Variants in CDK17 observed in about 807,000 individuals in gnomAD.
The protein encoded by CDK17 is cyclin dependent kinase 17, also known as cyclin-dependent kinase 17.
In CDK17, 24 loss-of-function variants were observed where a neutral mutation model predicts 77.6. The observed-to-expected ratio is 0.31, with a 90% CI of 0.22 to 0.44. CDK17 has a LOEUF of 0.44. CDK17 is among the 20% of genes least tolerant of loss of function. The pLI is 1.00. For synonymous variants in CDK17, 203 were observed against 210.4 expected (o/e 0.96, Z 0.30); for missense variants, 429 against 622.5 (o/e 0.69, Z 3.31).
chr12:96,285,961 T>C, intron 13 of CDK17, 82 bp downstream of exon 13: 2 of 713,186 alleles, frequency 2.8e-6, no homozygotes, highest in East Asian at 3.0e-5. Flanking sequence ...TATTTTTTCC[T>C]GAATCCTTAC....
intron 2 of CDK17, among the ~76,000 whole-genome samples, chr12:96,333,683 A>C (rs2137141300): frequency 6.6e-6 from 1 of 151,938 alleles, no homozygotes; most frequent in Non-Finnish European, 1.5e-5. Flanking sequence ...AAAAAAAAAA[A>C]AAAAGGTAGA....
At chr12:96,392,551 T>C (rs914498416) in intron 1 of CDK17, among the ~76,000 whole-genome samples, 2 of 152,144 alleles carry the variant, frequency 1.3e-5, no homozygotes, top group Non-Finnish European at 2.9e-5. Context: ...TAACAGGACT[T>C]GGTGTGACTA....
At chr12:96,377,590 A>T (rs536107182) in intron 1 of CDK17, among the ~76,000 whole-genome samples, 1 of 152,054 alleles carries the variant, frequency 6.6e-6, no homozygotes, top group Non-Finnish European at 1.5e-5. Context: ...CTGACAACAC[A>T]TTCAGTTGCT....
chr12:96,342,235 T>C (rs559468520), intron 1 of CDK17, among the ~76,000 whole-genome samples: 1 of 152,328 alleles, frequency 6.6e-6, no homozygotes, highest in South Asian at 2.1e-4. Flanking sequence ...TTAAGTGGCA[T>C]GTAAGCAAAT....
In CDK17 at chr12:96,297,567, T is replaced by C. The variant is rs1952426655; in HGVS notation, c.810+60A>G. On this transcript the variant is annotated intron_variant, in intron 8 of 16. Transcript: ENST00000261211. Reference sequence around the variant, plus strand: ...AGAAAAATAAAAAACAAACTAAAAGTCCAATTTACTATGTTTTTCTAAAGT... The same window carrying C: ...AGAAAAATAAAAAACAAACTAAAAGCCCAATTTACTATGTTTTTCTAAAGT... 2.7e-6 allele frequency: 3 copies of C among 1,116,642 alleles called. No homozygotes were observed. The East Asian group carries it at 7.3e-5, about 27-fold the overall frequency. The allele number at this position is 1,116,642 out of a possible 1,614,324, so 69.2% of individuals were successfully genotyped here. A position where few individuals can be genotyped will look rare whatever the true frequency, so the allele number is the denominator to read the frequency against.
At chr12:96,382,733 A>C (rs1047814212) in intron 1 of CDK17, among the ~76,000 whole-genome samples, 5 of 152,208 alleles carry the variant, frequency 3.3e-5, no homozygotes, top group Non-Finnish European at 7.3e-5. Context: ...GTGATTCACC[A>C]CTAAAACAGA....
At chr12:96,335,567 A>G (rs1044620933) in intron 1 of CDK17, among the ~76,000 whole-genome samples, 1 of 152,220 alleles carries the variant, frequency 6.6e-6, no homozygotes, top group Non-Finnish European at 1.5e-5. Flanking sequence ...ACATGAGGAA[A>G]CGTGCTCAAA....
intron 1 of CDK17, among the ~76,000 whole-genome samples, chr12:96,348,074 TA>T (rs1448180515): frequency 6.6e-6 from 1 of 152,050 alleles, no homozygotes; most frequent in Non-Finnish European, 1.5e-5. Context: ...TTTATAGCTA[TA>T]AAAGCTTACA....
intron 1 of CDK17, among the ~76,000 whole-genome samples, chr12:96,365,420 C>T (rs1953569081): frequency 6.6e-6 from 1 of 152,170 alleles, no homozygotes; most frequent in East Asian, 1.9e-4. Flanking sequence ...CCAAGAGTCA[C>T]TATTTAGTAA....
At chr12:96,384,235 T>TA (rs1486724988) in intron 1 of CDK17, among the ~76,000 whole-genome samples, 1 of 152,114 alleles carries the variant, frequency 6.6e-6, no homozygotes, top group Non-Finnish European at 1.5e-5. Context: ...TGGCTATTAT[T>TA]AAAAAGTCAA....
chr12:96,307,333 C>A (rs1187812372), intron 5 of CDK17, among the ~76,000 whole-genome samples: 1 of 151,986 alleles, frequency 6.6e-6, no homozygotes, highest in South Asian at 2.1e-4. Flanking sequence ...AACACTTAAC[C>A]ATAAATAAAA....
At chr12:96,373,833 T>G (rs767300829) in intron 1 of CDK17, among the ~76,000 whole-genome samples, 7 of 151,392 alleles carry the variant, frequency 4.6e-5, no homozygotes, top group Non-Finnish European at 8.8e-5. Flanking sequence ...GGCAGGAGAA[T>G]CGCTTGAACC....
rs1196201842 is a variant in CDK17 at position 96,400,284 on chromosome 12, A to G, written c.-328T>C. On this transcript the variant is annotated 5_prime_UTR_variant, in exon 1 of 17. Coordinates refer to ENST00000261211, the MANE Select transcript of CDK17 (RefSeq NM_002595.5). ...AATCCCCTCGGAGCAGCCGGGCGCG[A>G]GCGCGGCGGGCGCCGACGGCGGGCT... is the stretch of plus-strand genomic sequence containing the variant. 2.6e-6 allele frequency: 1 copy of G among 391,366 alleles called. No individual in the cohort carries two copies. Among genetic ancestry groups the G allele is most frequent in the African/African-American group, 2.1e-5 (1 of 48,174 alleles). The allele number at this position is 391,366 out of a possible 1,614,324, so 24.2% of individuals were successfully genotyped here. A position where few individuals can be genotyped will look rare whatever the true frequency, so the allele number is the denominator to read the frequency against.
intron 1 of CDK17, among the ~76,000 whole-genome samples, chr12:96,353,612 G>GT (rs1953347476): frequency 6.6e-6 from 1 of 150,548 alleles, no homozygotes; most frequent in Non-Finnish European, 1.5e-5. Flanking sequence ...TGGCGGGGGG[G>GT]GGCGCGGGTA....
At chr12:96,313,057 A>G (rs1952664737) in intron 4 of CDK17, among the ~76,000 whole-genome samples, 1 of 152,166 alleles carries the variant, frequency 6.6e-6, no homozygotes, top group South Asian at 2.1e-4. Context: ...TGGATAACCT[A>G]AAATAACGTT....
intron 1 of CDK17, among the ~76,000 whole-genome samples, chr12:96,354,158 C>CA (rs1953360086): frequency 6.6e-6 from 1 of 152,102 alleles, no homozygotes; most frequent in Non-Finnish European, 1.5e-5. Context: ...ATTAAAGAAA[C>CA]AGAGCCTGAA....
chr12:96,299,872 T>A (rs1952472496), intron 6 of CDK17, among the ~76,000 whole-genome samples: 2 of 152,148 alleles, frequency 1.3e-5, no homozygotes, highest in South Asian at 4.2e-4. Flanking sequence ...TCTAAATCAG[T>A]AGTACTAGTA....
chr12:96,375,143 A>G (rs1430562754), intron 1 of CDK17, among the ~76,000 whole-genome samples: 1 of 152,222 alleles, frequency 6.6e-6, no homozygotes, highest in African/African-American at 2.4e-5. Context: ...GTGTGTATAC[A>G]TATGTACACA....
At chr12:96,319,075 G>C (rs1300390697) in intron 3 of CDK17, among the ~76,000 whole-genome samples, 4 of 143,874 alleles carry the variant, frequency 2.8e-5, no homozygotes, top group Admixed American at 2.1e-4. Context: ...GAAAAAAAGA[G>C]AGAAGAATCA....
Sources: gnomAD v4.1 joint callset for allele counts (sites outside exome capture counted in the v4.1 genomes callset) on GRCh38, gnomAD v4.1.1 for gene constraint, MANE v1.5 for transcripts, NCBI Gene and HGNC (gene_info 2026-07-23, HGNC 2026-07-21) for gene names.